Variants in DLGAP2 observed in about 807,000 individuals in gnomAD.
DLGAP2 encodes DLG associated protein 2, also known as disks large-associated protein 2.
Under a neutral mutation model 100.3 loss-of-function variants are expected in DLGAP2, and 26 were observed. That is an observed-to-expected ratio of 0.26 (90% CI 0.19 to 0.36). The LOEUF (loss-of-function observed/expected upper bound fraction) is 0.36. Among genes scored for constraint, DLGAP2 ranks in the 10% least tolerant of loss-of-function variants. The pLI is 1.00. For synonymous variants in DLGAP2, 886 were observed against 630.1 expected, an observed-to-expected ratio of 1.41 and a Z score of -6.08; for missense variants, 1,858 against 1,453.2, an observed-to-expected ratio of 1.28 and a Z score of -4.53.
chr8:1,263,328 G>A (rs1799388498), intron 3 of DLGAP2, among the ~76,000 whole-genome samples: 1 of 152,082 alleles, frequency 6.6e-6, no homozygotes, highest in Admixed American at 6.5e-5. Flanking sequence ...TTCTAAATCT[G>A]TTTTCATTTT....
At chr8:1,057,323 G>C (rs1389922524) in intron 2 of DLGAP2, among the ~76,000 whole-genome samples, 2 of 152,328 alleles carry the variant, frequency 1.3e-5, no homozygotes, top group Non-Finnish European at 2.9e-5. Flanking sequence ...AGGTTATTAA[G>C]AAACAGGAGT....
intron 2 of DLGAP2, among the ~76,000 whole-genome samples, chr8:1,213,666 G>A (rs1196415246): frequency 6.6e-6 from 1 of 152,138 alleles, no homozygotes; most frequent in Non-Finnish European, 1.5e-5. Flanking sequence ...CTCTGATCCA[G>A]GTTAAATGGT....
chr8:1,290,955 C>G (rs757780890), intron 3 of DLGAP2, among the ~76,000 whole-genome samples: 2 of 152,134 alleles, frequency 1.3e-5, no homozygotes, highest in Non-Finnish European at 2.9e-5. Flanking sequence ...GTACAACCAC[C>G]TCCCCCATCC....
chr8:1,172,297 C>T (rs1335179333), intron 2 of DLGAP2, among the ~76,000 whole-genome samples: 2 of 152,164 alleles, frequency 1.3e-5, no homozygotes, highest in African/African-American at 2.4e-5. Context: ...CCCGACCTTT[C>T]TCTCTGGCTC....
intron 3 of DLGAP2, among the ~76,000 whole-genome samples, chr8:1,386,551 G>T (rs1443974030): frequency 1.3e-5 from 2 of 152,218 alleles, no homozygotes; most frequent in African/African-American, 4.8e-5. Context: ...CCACCGGCCA[G>T]ATGTGAGAGT....
chr8:926,447 C>T (rs1027118077), intron 2 of DLGAP2, among the ~76,000 whole-genome samples: 19 of 152,190 alleles, frequency 1.2e-4, no homozygotes, highest in African/African-American at 4.1e-4. Context: ...TTCCACTGCT[C>T]CATCCACGAT....
chr8:1,505,187 C>T (rs2130341290), intron 4 of DLGAP2, among the ~76,000 whole-genome samples: 1 of 152,226 alleles, frequency 6.6e-6, no homozygotes, highest in Non-Finnish European at 1.5e-5. Flanking sequence ...GGGATCTTCC[C>T]AGTCACGAAT....
chr8:1,431,451 T>A (rs543416564), intron 3 of DLGAP2, among the ~76,000 whole-genome samples: 2 of 152,280 alleles, frequency 1.3e-5, no homozygotes, highest in Admixed American at 1.3e-4. Flanking sequence ...CCAGGTAGAC[T>A]CTACCCGTGG....
Position 1,260,010 on chromosome 8 carries a change from C to A in DLGAP2, c.106+1127C>A, listed in dbSNP as rs184803852. Among the ~76,000 whole-genome samples, 727 of 152,224 alleles carry A rather than the reference C, an allele frequency of 4.8e-3. 7 individuals are homozygous for A. The highest frequency in any genetic ancestry group is 0.016 in the African/African-American group (656 of 41,548). ...TTTATGCAAAACATCAGACTTTGGA[C>A]ACCTGGCATTTCCAGAGTCAAAAGT... On this transcript the variant is annotated intron_variant, in intron 3 of 14. Transcript: ENST00000637795.
At chr8:1,319,073 G>C (rs1800835696) in intron 3 of DLGAP2, among the ~76,000 whole-genome samples, 4 of 152,128 alleles carry the variant, frequency 2.6e-5, no homozygotes, top group Non-Finnish European at 1.5e-5. Context: ...AAGCAGAATG[G>C]AGACTTGGCG....
chr8:787,332 C>T (rs1051569987), intron 1 of DLGAP2, among the ~76,000 whole-genome samples: 8 of 152,190 alleles, frequency 5.3e-5, no homozygotes, highest in Non-Finnish European at 1.0e-4. Context: ...ATGCTGAGGA[C>T]CCTCCTTCCC....
intron 2 of DLGAP2, among the ~76,000 whole-genome samples, chr8:1,136,433 G>A (rs1796414557): frequency 6.6e-6 from 1 of 152,220 alleles, no homozygotes. Context: ...GATCTGGACA[G>A]CTCTCTGGCT....
At chr8:1,056,027 T>G (rs1318727487) in intron 2 of DLGAP2, among the ~76,000 whole-genome samples, 1 of 151,904 alleles carries the variant, frequency 6.6e-6, no homozygotes, top group African/African-American at 2.4e-5. Flanking sequence ...GCTCAGGGAG[T>G]TGAGAGCAGA....
At chr8:1,618,808 T>C (rs1364327122) in intron 6 of DLGAP2, among the ~76,000 whole-genome samples, 1 of 152,150 alleles carries the variant, frequency 6.6e-6, no homozygotes, top group Non-Finnish European at 1.5e-5. Context: ...GACGATTCTC[T>C]CTTGTTGGGG....
chr8:1,518,462 G>A (rs1248956632), intron 4 of DLGAP2, among the ~76,000 whole-genome samples: 1 of 152,184 alleles, frequency 6.6e-6, no homozygotes, highest in Non-Finnish European at 1.5e-5. Context: ...GCATTTACAA[G>A]GCACATAGAA....
At chr8:1,060,677 A>G (rs769138750) in intron 2 of DLGAP2, among the ~76,000 whole-genome samples, 3 of 152,072 alleles carry the variant, frequency 2.0e-5, no homozygotes, top group Non-Finnish European at 4.4e-5. Context: ...ATTTTGGGGG[A>G]TGATGTTCAT....
At chr8:1,287,781 C>G (rs1262463838) in intron 3 of DLGAP2, among the ~76,000 whole-genome samples, 3,465 of 9,608 alleles carry the variant, frequency 0.36, 515 homozygotes, top group African/African-American at 0.55. Context: ...GTGTGTGTGT[C>G]TGTGTGTATG....
chr8:1,030,920 G>A (rs1421349283), intron 2 of DLGAP2, among the ~76,000 whole-genome samples: 2 of 152,224 alleles, frequency 1.3e-5, no homozygotes, highest in Non-Finnish European at 2.9e-5. Context: ...TGAGAAGGGC[G>A]CAAGGTCGGT....
At chr8:845,383 G>A (rs1797054779) in intron 1 of DLGAP2, among the ~76,000 whole-genome samples, 1 of 152,174 alleles carries the variant, frequency 6.6e-6, no homozygotes, top group African/African-American at 2.4e-5. Context: ...GTATGGTGTT[G>A]TGGTTATGAT....
Sources: gnomAD v4.1 joint callset for allele counts (sites outside exome capture counted in the v4.1 genomes callset) on GRCh38, gnomAD v4.1.1 for gene constraint, MANE v1.5 for transcripts, NCBI Gene and HGNC (gene_info 2026-07-23, HGNC 2026-07-21) for gene names.